ZCCHC24: variants seen among roughly 807,000 people sequenced by gnomAD.
ZCCHC24 encodes the protein zinc finger CCHC-type containing 24.
ZCCHC24 carries 10 observed loss-of-function variants against 26.2 expected under a neutral mutation model. The observed-to-expected ratio is 0.38, with a 90% CI of 0.24 to 0.65. The LOEUF (loss-of-function observed/expected upper bound fraction) is 0.65. Among genes scored for constraint, ZCCHC24 ranks in the 30% least tolerant of loss-of-function variants. ZCCHC24 has a pLI of 0.54. For synonymous variants in ZCCHC24, 144 were observed against 147.1 expected (o/e 0.98, Z 0.15); for missense variants, 243 against 329.1 (o/e 0.74, Z 2.03).
At chr10:79,407,010 G>A (rs11596242) in intron 2 of ZCCHC24, among the ~76,000 whole-genome samples, 3 of 152,084 alleles carry the variant, frequency 2.0e-5, no homozygotes, top group Admixed American at 6.5e-5. Flanking sequence ...CACTTCCTCC[G>A]GGAAGCCTCC....
chr10:79,392,941 T>G (rs1473421310), intron 3 of ZCCHC24, among the ~76,000 whole-genome samples: 1 of 152,212 alleles, frequency 6.6e-6, no homozygotes, highest in African/African-American at 2.4e-5. Flanking sequence ...CTGTGGTCTC[T>G]ATACCTGACA....
At chr10:79,442,516 C>T (rs768698944) in intron 1 of ZCCHC24, among the ~76,000 whole-genome samples, 1 of 152,176 alleles carries the variant, frequency 6.6e-6, no homozygotes, top group Non-Finnish European at 1.5e-5. Context: ...TGGGAGCAGC[C>T]TGGGGGTGGT....
intron 3 of ZCCHC24, among the ~76,000 whole-genome samples, chr10:79,389,529 A>AGTGTGTGCTAGTGT (rs1554839974): frequency 1.2e-4 from 17 of 146,230 alleles, no homozygotes; most frequent in Non-Finnish European, 1.0e-4. Context: ...ACTTTTTCCT[A>AGTGTGTGCTAGTGT]GTGTGTGTGT....
chr10:79,424,311 A>T (rs538863370), intron 2 of ZCCHC24, among the ~76,000 whole-genome samples: 18 of 152,202 alleles, frequency 1.2e-4, no homozygotes, highest in Non-Finnish European at 2.2e-4. Context: ...TCTGACACAC[A>T]GTAGATGTTC....
rs540317258 is a variant in ZCCHC24, at chr10:79,395,353, A to C, written c.448-913T>G. Among the ~76,000 whole-genome samples the C allele has an allele frequency of 2.6e-5, 4 of 152,374 alleles. No individual in the cohort carries two copies. The South Asian group carries it at 8.3e-4, about 32-fold the overall frequency. On this transcript the variant is annotated intron_variant, in intron 2 of 3. Coordinates refer to ENST00000372336, the MANE Select transcript of ZCCHC24 (RefSeq NM_153367.4). ...CATTGACCAGTTACTATTTTAGAAC[A>C]TCTAGCTTGTTTCTGTTCTCCCATT...
At position 79,386,213 on chromosome 10, in the gene ZCCHC24, C is replaced by A; in HGVS notation, c.*132G>T. 1 of 756,646 alleles carries A rather than the reference C, an allele frequency of 1.3e-6. No individual in the cohort carries two copies. Among genetic ancestry groups the A allele is most frequent in the Non-Finnish European group, 2.3e-6 (1 of 440,090 alleles). The allele number at this position is 756,646 out of a possible 1,614,324, so 46.9% of individuals were successfully genotyped here. A position where few individuals can be genotyped will look rare whatever the true frequency, so the allele number is the denominator to read the frequency against. ...CACACAAGACAAGGACGCTAAGAGC[C>A]CCCGGCCCAGCCCCGCAGGCCTGCG... On this transcript the variant is annotated 3_prime_UTR_variant, in exon 4 of 4. Transcript: ENST00000372336.
intron 2 of ZCCHC24, among the ~76,000 whole-genome samples, chr10:79,413,361 C>T (rs1856816760): frequency 6.6e-6 from 1 of 152,238 alleles, no homozygotes; most frequent in African/African-American, 2.4e-5. Context: ...GCCTCCTGGC[C>T]TCTGAGCCTG....
In ZCCHC24 at chr10:79,413,116, T is replaced by C. The variant is rs180795797; in HGVS notation, c.448-18676A>G. On this transcript the variant is annotated intron_variant, in intron 2 of 3. Coordinates refer to ENST00000372336, the MANE Select transcript of ZCCHC24 (RefSeq NM_153367.4). ...ACAAACACAAGCCACTCATCCAAAATGGGTTCAGTGCTGAGGGGACCAGTG... is the reference window on the plus strand; with the variant it reads ...ACAAACACAAGCCACTCATCCAAAACGGGTTCAGTGCTGAGGGGACCAGTG... Among the ~76,000 whole-genome samples, 16 of 152,302 alleles carry C rather than the reference T, an allele frequency of 1.1e-4. No individual in the cohort carries two copies. In the East Asian group the frequency reaches 3.1e-3, roughly 29 times the overall value.
chr10:79,438,063 T>C (rs376438508), intron 1 of ZCCHC24, among the ~76,000 whole-genome samples: 2 of 152,202 alleles, frequency 1.3e-5, no homozygotes, highest in East Asian at 3.9e-4. Flanking sequence ...TGGGCCAGGC[T>C]ACCAGGCACG....
At chr10:79,428,500 C>T (rs1857077598) in intron 2 of ZCCHC24, among the ~76,000 whole-genome samples, 1 of 107,556 alleles carries the variant, frequency 9.3e-6, no homozygotes, top group Non-Finnish European at 2.0e-5. Flanking sequence ...AAAAAGAGCT[C>T]TGTGGCTGGA....
At position 79,383,131 on chromosome 10, in the gene ZCCHC24, T is replaced by C. The variant is rs1212344887; in HGVS notation, c.*3214A>G. 6.5e-6 allele frequency: 1 copy of C among 152,792 alleles called. No individual in the cohort carries two copies. The highest frequency in any genetic ancestry group is 1.5e-5 in the Non-Finnish European group (1 of 68,048). 9.5% of individuals were successfully genotyped at this position (152,792 alleles called of 1,614,324 possible). A position where few individuals can be genotyped will look rare whatever the true frequency, so the allele number is the denominator to read the frequency against. ...CCCTTTTTCACTATGTATCGAATTATAGCTTCCCTTAAAAAAGGCAATACT... is the reference window on the plus strand; with the variant it reads ...CCCTTTTTCACTATGTATCGAATTACAGCTTCCCTTAAAAAAGGCAATACT... On this transcript the variant is annotated 3_prime_UTR_variant, in exon 4 of 4. Coordinates refer to ENST00000372336, the MANE Select transcript of ZCCHC24 (RefSeq NM_153367.4).
intron 1 of ZCCHC24, among the ~76,000 whole-genome samples, chr10:79,443,111 C>T (rs909454585): frequency 1.1e-4 from 16 of 152,148 alleles, no homozygotes; most frequent in East Asian, 1.9e-4. Context: ...CAGAGAGAGA[C>T]GGGGTTCCCT....
At chr10:79,414,718 G>A (rs974766979) in intron 2 of ZCCHC24, among the ~76,000 whole-genome samples, 10 of 152,168 alleles carry the variant, frequency 6.6e-5, no homozygotes, top group African/African-American at 1.9e-4. Flanking sequence ...CCAGCTGCAC[G>A]TCAGAATTAC....
chr10:79,404,191 G>C (rs753230501), intron 2 of ZCCHC24, among the ~76,000 whole-genome samples: 21 of 152,280 alleles, frequency 1.4e-4, no homozygotes, highest in Admixed American at 3.3e-4. Context: ...CCAACACCCC[G>C]TGCCTCCAGC....
chr10:79,428,125 C>T (rs1241503850), intron 2 of ZCCHC24, among the ~76,000 whole-genome samples: 1 of 152,142 alleles, frequency 6.6e-6, no homozygotes, highest in African/African-American at 2.4e-5. Flanking sequence ...ATCCAGTTGT[C>T]CATTGATGGG....
At chr10:79,392,380 C>T (rs1192771811) in intron 3 of ZCCHC24, among the ~76,000 whole-genome samples, 4 of 152,170 alleles carry the variant, frequency 2.6e-5, no homozygotes, top group South Asian at 2.1e-4. Flanking sequence ...CGCCCCAGCC[C>T]GCTTGTCTCC....
At chr10:79,409,728 G>A (rs1856765840) in intron 2 of ZCCHC24, among the ~76,000 whole-genome samples, 1 of 152,240 alleles carries the variant, frequency 6.6e-6, no homozygotes, top group Non-Finnish European at 1.5e-5. Context: ...GTCCCTGATG[G>A]TCCAGGGAAC....
At chr10:79,397,052 A>C (rs559300884) in intron 2 of ZCCHC24, among the ~76,000 whole-genome samples, 11 of 152,372 alleles carry the variant, frequency 7.2e-5, no homozygotes, top group African/African-American at 2.4e-4. Flanking sequence ...TTTAGTAATC[A>C]TGCCTCTTTG....
At position 79,385,938 on chromosome 10, in the gene ZCCHC24, C is replaced by A. The variant is rs554154381; in HGVS notation, c.*407G>T. The A allele has an allele frequency of 9.6e-6, 4 of 415,174 alleles. No individual in the cohort carries two copies. Among genetic ancestry groups the A allele is most frequent in the Admixed American group, 3.9e-5 (1 of 25,756 alleles). 25.7% of individuals were successfully genotyped at this position (415,174 alleles called of 1,614,324 possible). On this transcript the variant is annotated 3_prime_UTR_variant, in exon 4 of 4. Transcript: ENST00000372336. The surrounding 1 kb of genome is among the most constrained non-coding windows in gnomAD (Gnocchi z 4.3). ...CCGGAAGGTTCTGGGTGGGGGCAGG[C>A]GGCCTGGCTGGTCTGGGGAGGTTTG... is the stretch of plus-strand genomic sequence containing the variant.
Sources: gnomAD v4.1 joint callset for allele counts (sites outside exome capture counted in the v4.1 genomes callset) on GRCh38, gnomAD v4.1.1 for gene constraint, Gnocchi (gnomAD v3.1) non-coding constraint, MANE v1.5 for transcripts, NCBI Gene and HGNC (gene_info 2026-07-23, HGNC 2026-07-21) for gene names.